The following KLRC2 variants were observed in gnomAD, a reference collection of about 807,000 sequenced individuals.
The protein encoded by KLRC2 is NKG2-C type II integral membrane protein.
In KLRC2, 10 loss-of-function variants were observed where a neutral mutation model predicts 25.5. That is an observed-to-expected ratio of 0.39 (90% CI 0.24 to 0.67). The LOEUF is 0.67. Ranked by LOEUF, KLRC2 falls within the 30% of genes least tolerant of loss-of-function variation. The pLI is 0.45. For synonymous variants in KLRC2, 48 were observed against 93.3 expected (o/e 0.51, Z 2.80); for missense variants, 170 against 272.8 (o/e 0.62, Z 2.65).
rs1367675852 is a variant in KLRC2 at position 10,432,094 on chromosome 12, A to G, written c.584+12T>C. On this transcript the variant is annotated intron_variant, in intron 5 of 5. Transcript: ENST00000381902. Reference sequence around the variant, plus strand: ...ATATATTTTTTATATAGCGCCATACAAAAGAACTTACTTATGTTTGAAAGC... The same window carrying G: ...ATATATTTTTTATATAGCGCCATACGAAAGAACTTACTTATGTTTGAAAGC... 1.3e-6 allele frequency: 2 copies of G among 1,510,562 alleles called. No individual in the cohort carries two copies. Among genetic ancestry groups the G allele is most frequent in the South Asian group, 2.3e-5 (2 of 85,402 alleles). 93.6% of individuals were successfully genotyped at this position (1,510,562 alleles called of 1,614,324 possible). A position where few individuals can be genotyped will look rare whatever the true frequency, so the allele number is the denominator to read the frequency against.
chr12:10,433,286 G>T, intron 4 of KLRC2, among the ~76,000 whole-genome samples: 1 of 141,544 alleles, frequency 7.1e-6, no homozygotes, highest in African/African-American at 2.7e-5. Context: ...TATCAGATAG[G>T]ATTGAAAAAG....
At chr12:10,433,687 AAT>A (rs1275858788) in intron 4 of KLRC2, 102 bp downstream of exon 4, 1 of 1,203,308 alleles carries the variant, frequency 8.3e-7, no homozygotes, top group Non-Finnish European at 1.2e-6. Context: ...TACACTTGAA[AAT>A]ATATGAGATA....
At position 10,433,849 on chromosome 12, in the gene KLRC2, A is replaced by G; in HGVS notation, c.425T>C (p.Leu142Ser). 1 of 1,550,684 alleles carries G rather than the reference A, an allele frequency of 6.4e-7. No homozygotes were observed. Among genetic ancestry groups the G allele is most frequent in the Non-Finnish European group, 8.8e-7 (1 of 1,136,264 alleles). The change falls in exon 4 of 6, where the codon TTG becomes TCG. Residue 142 changes from leucine (L) to serine (S), a missense_variant. Physicochemically the swap from Leu to Ser is moderately radical, Grantham distance 145. Coordinates refer to ENST00000381902, the MANE Select transcript of KLRC2 (RefSeq NM_002260.4). Reference protein sequence around the residue: ...GKERRTWEESLLACTSKNSSL... With the variant: ...GKERRTWEESSLACTSKNSSL... ...GGAGTTCTTCGAAGTACAGGCCAGC[A>G]AACTCTCTTCCCAAGTTCTTCTTTC... is the stretch of plus-strand genomic sequence containing the variant.
At chr12:10,433,739 T>C in intron 4 of KLRC2, 52 bp downstream of exon 4, 1 of 1,485,190 alleles carries the variant, frequency 6.7e-7, no homozygotes, top group Non-Finnish European at 9.2e-7. Context: ...TACAAATGTA[T>C]TATTCACTGA....
Position 10,432,136 on chromosome 12 carries a change from A to T in KLRC2, c.554T>A (p.Val185Glu). Residue 185 changes from valine to glutamate, a missense_variant, in exon 5 of 6, where the codon GTG (valine) becomes GAG (glutamate). Val to Glu is a moderately radical substitution (Grantham distance 121). This residue lies in a region of KLRC2 where 129 missense variants were observed against 150.2 expected (regional missense o/e 0.86). Coordinates refer to ENST00000381902, the MANE Select transcript of KLRC2 (RefSeq NM_002260.4). ...VFRNSSHHPWVTINGLAFKHK... is the reference protein window; with the variant it reads ...VFRNSSHHPWETINGLAFKHK... ...TTTGAAAGCCAAACCATTTATTGTC[A>T]CCCATGGATGATGACTGCTGTTACG... 1 of 1,532,248 alleles carries T rather than the reference A, an allele frequency of 6.5e-7. No individual in the cohort carries two copies. Among genetic ancestry groups the T allele is most frequent in the Non-Finnish European group, 8.9e-7 (1 of 1,125,708 alleles). 94.9% of individuals were successfully genotyped at this position (1,532,248 alleles called of 1,614,324 possible). A position where few individuals can be genotyped will look rare whatever the true frequency, so the allele number is the denominator to read the frequency against.
chr12:10,430,921 G>A lies in KLRC2; in HGVS notation c.*196C>T. On this transcript the variant is annotated 3_prime_UTR_variant, in exon 6 of 6. Transcript: ENST00000381902. ...GGCTGAAAACCACAAATACCATGTT[G>A]AGCAAAATGAGCCCGACACAAATGC... 1.8e-6 allele frequency: 2 copies of A among 1,139,438 alleles called. No homozygotes were observed. Among genetic ancestry groups the A allele is most frequent in the Non-Finnish European group, 2.3e-6 (2 of 878,396 alleles). The allele number at this position is 1,139,438 out of a possible 1,614,324, so 70.6% of individuals were successfully genotyped here. A position where few individuals can be genotyped will look rare whatever the true frequency, so the allele number is the denominator to read the frequency against.
chr12:10,432,177 T>C lies in KLRC2; in HGVS notation c.513A>G (p.Ser171=), dbSNP rs1863823986. 6.7e-7 allele frequency: 1 copy of C among 1,491,822 alleles called. No individual in the cohort carries two copies. The highest frequency in any genetic ancestry group is 9.1e-7 in the Non-Finnish European group (1 of 1,100,368). The allele number at this position is 1,491,822 out of a possible 1,614,324, so 92.4% of individuals were successfully genotyped here. The part of the protein sequence containing the change: ...MKFLASILPS[S]WIGVFRNSSH... ...TGCTGTTACGAAACACACCAATCCA[T>C]GAGGAAGGTAAAATGCTGGCCAGAA... Residue 171 remains serine (S), a synonymous_variant, in exon 5 of 6, where the codon TCA becomes TCG. Coordinates refer to ENST00000381902, the MANE Select transcript of KLRC2 (RefSeq NM_002260.4).
chr12:10,433,880 C>T lies in KLRC2; in HGVS notation c.394G>A (p.Gly132Ser), dbSNP rs376549170. Residue 132 changes from glycine (G) to serine (S), a missense_variant, in exon 4 of 6, where the codon GGT becomes AGT. Coordinates refer to ENST00000381902, the MANE Select transcript of KLRC2 (RefSeq NM_002260.4). ...TCTTCCCAAGTTCTTCTTTCCTTACCAATGTAATAACAACTGTTGGAATAT... is the reference window on the plus strand; with the variant it reads ...TCTTCCCAAGTTCTTCTTTCCTTACTAATGTAATAACAACTGTTGGAATAT... Reference protein sequence around the residue: ...ITYSNSCYYIGKERRTWEESL... With the variant: ...ITYSNSCYYISKERRTWEESL... 2.5e-5 allele frequency: 38 copies of T among 1,550,410 alleles called. 8 individuals are homozygous for T. In the African/African-American group the frequency reaches 5.3e-4, roughly 21 times the overall value.
Position 10,430,898 on chromosome 12 carries a change from C to G in KLRC2, c.*219G>C. The stretch of plus-strand genomic sequence containing the variant: ...ACATAACATGCAACTTTTAGAAAGG[C>G]TGAAAACCACAAATACCATGTTGAG... On this transcript the variant is annotated 3_prime_UTR_variant, in exon 6 of 6. Coordinates refer to ENST00000381902, the MANE Select transcript of KLRC2 (RefSeq NM_002260.4). The G allele has an allele frequency of 3.0e-6, 3 of 1,012,330 alleles. 1 individual carries two copies. The highest frequency in any genetic ancestry group is 3.9e-6 in the Non-Finnish European group (3 of 778,846). 62.7% of individuals were successfully genotyped at this position (1,012,330 alleles called of 1,614,324 possible).
intron 5 of KLRC2, 77 bp from the exon 6 acceptor site, chr12:10,431,305 G>A (rs1464071692): frequency 6.8e-7 from 1 of 1,470,938 alleles, no homozygotes; most frequent in Non-Finnish European, 9.3e-7. Context: ...TCCATGTACT[G>A]TAAGAAAAGA....
intron 5 of KLRC2, 76 bp from the exon 6 acceptor site, chr12:10,431,304 T>C (rs985897923): frequency 1.4e-5 from 20 of 1,476,510 alleles, no homozygotes; most frequent in Non-Finnish European, 1.9e-5. Flanking sequence ...TTCCATGTAC[T>C]GTAAGAAAAG....
At position 10,431,284 on chromosome 12, in the gene KLRC2, C is replaced by G. The variant is rs370278796; in HGVS notation, c.585-56G>C. ...CATTTTAAGCAAATGATTCATGAGACGAAAGCATTTTCCATGTACTGTAAG... is the reference window on the plus strand; with the variant it reads ...CATTTTAAGCAAATGATTCATGAGAGGAAAGCATTTTCCATGTACTGTAAG... On this transcript the variant is annotated intron_variant, in intron 5 of 5. Transcript: ENST00000381902. 18 of 1,501,678 alleles carry G rather than the reference C, an allele frequency of 1.2e-5. 1 individual carries two copies. Among genetic ancestry groups the G allele is most frequent in the Non-Finnish European group, 1.5e-5 (17 of 1,097,350 alleles). The allele number at this position is 1,501,678 out of a possible 1,614,324, so 93.0% of individuals were successfully genotyped here. A position where few individuals can be genotyped will look rare whatever the true frequency, so the allele number is the denominator to read the frequency against.
At chr12:10,431,576 T>G (rs1243266416) in intron 5 of KLRC2, among the ~76,000 whole-genome samples, 2 of 141,736 alleles carry the variant, frequency 1.4e-5, no homozygotes, top group Non-Finnish European at 3.1e-5. Context: ...TATAGCAATA[T>G]GCCAACAGCA....
rs145337475 is a variant in KLRC2 at position 10,433,936 on chromosome 12, T to G, written c.338A>C (p.His113Pro). ...SPNTRTQKARHCGHCPEEWIT... is the reference protein window; with the variant it reads ...SPNTRTQKARPCGHCPEEWIT... ...CCACTCCTCAGGACAATGGCCACAA[T>G]GACGTGCTAATAAAGATATGAATTA... is the stretch of plus-strand genomic sequence containing the variant. The change falls in exon 4 of 6, where the codon CAT (histidine) becomes CCT (proline). Residue 113 changes from histidine (H) to proline (P), a missense_variant. Coordinates refer to ENST00000381902, the MANE Select transcript of KLRC2 (RefSeq NM_002260.4). 1.0e-4 allele frequency: 160 copies of G among 1,541,078 alleles called. 24 individuals are homozygous for G. In the East Asian group the frequency reaches 1.5e-3, roughly 14 times the overall value.
chr12:10,431,080 A>G lies in KLRC2; in HGVS notation c.*37T>C. On this transcript the variant is annotated 3_prime_UTR_variant, in exon 6 of 6. Coordinates refer to ENST00000381902, the MANE Select transcript of KLRC2 (RefSeq NM_002260.4). ...ATATTTCTATTTTAAGAAATATAAA[A>G]TGTATCTGATGCACTGCAAACGCAA... 7.6e-7 allele frequency: 1 copy of G among 1,313,328 alleles called. No individual in the cohort carries two copies. The highest frequency in any genetic ancestry group is 1.1e-6 in the Non-Finnish European group (1 of 940,754). The allele number at this position is 1,313,328 out of a possible 1,614,324, so 81.4% of individuals were successfully genotyped here.
At position 10,431,101 on chromosome 12, in the gene KLRC2, C is replaced by T. The variant is rs368279285; in HGVS notation, c.*16G>A. On this transcript the variant is annotated 3_prime_UTR_variant, in exon 6 of 6. Transcript: ENST00000381902. ...TAAAATGTATCTGATGCACTGCAAA[C>T]GCAAATGCTTTACTTCTAAAGCTTA... 2.9e-5 allele frequency: 42 copies of T among 1,442,992 alleles called. 5 individuals carry two copies. The African/African-American group carries it at 3.1e-4, about 11-fold the overall frequency. 89.4% of individuals were successfully genotyped at this position (1,442,992 alleles called of 1,614,324 possible).
chr12:10,433,042 T>C lies in KLRC2; in HGVS notation c.483+749A>G, dbSNP rs1162494074. On this transcript the variant is annotated intron_variant, in intron 4 of 5. Coordinates refer to ENST00000381902, the MANE Select transcript of KLRC2 (RefSeq NM_002260.4). The stretch of plus-strand genomic sequence containing the variant: ...TATGGAGCTAGAGAAAGTGCTTCCT[T>C]CTCATACCAAGAGACACCAGGATGG... 1.4e-5 allele frequency among the ~76,000 whole-genome samples: 2 copies of C among 140,928 alleles called. 1 individual carries two copies. The allele number at this position is 140,928 out of a possible 152,430, so 92.5% of individuals were successfully genotyped here.
intron 4 of KLRC2, among the ~76,000 whole-genome samples, chr12:10,433,437 G>C (rs1241747086): frequency 7.1e-6 from 1 of 141,834 alleles, no homozygotes; most frequent in Non-Finnish European, 1.5e-5. Flanking sequence ...GGGTGGAACT[G>C]CTAGAGCTGG....
Position 10,433,358 on chromosome 12 carries a change from A to C in KLRC2, c.483+433T>G, listed in dbSNP as rs1217862098. 2.1e-5 allele frequency among the ~76,000 whole-genome samples: 3 copies of C among 142,366 alleles called. 1 individual carries two copies. Among genetic ancestry groups the C allele is most frequent in the African/African-American group, 8.0e-5 (3 of 37,368 alleles). 93.4% of individuals were successfully genotyped at this position (142,366 alleles called of 152,430 possible). On this transcript the variant is annotated intron_variant, in intron 4 of 5. Transcript: ENST00000381902. ...ATAAATTCAAGAACAGGCAATCATT[A>C]TTTATAATATTAAAAGTCAAGACTG...
Sources: allele counts gnomAD v4.1 joint callset (sites outside exome capture counted in the v4.1 genomes callset), GRCh38; gene constraint gnomAD v4.1.1; regional missense constraint gnomAD v4.1.1; transcripts MANE v1.5; gene names NCBI Gene and HGNC (gene_info 2026-07-23, HGNC 2026-07-21).